Variants in DUXA observed in about 807,000 individuals in gnomAD.
DUXA encodes the protein double homeobox A.
A neutral mutation model predicts 27.5 loss-of-function variants in DUXA; 25 were observed. The ratio of observed to expected loss-of-function variants is 0.91; its 90% CI spans 0.66 to 1.27. The LOEUF is 1.27. DUXA is among the 50% of genes most tolerant of loss of function. The pLI, the probability that DUXA is intolerant of heterozygous loss-of-function variation, is 0.00. For missense variants in DUXA, 247 were observed against 242.9 expected, an observed-to-expected ratio of 1.02 and a Z score of -0.11; for synonymous variants, 90 against 80.5, an observed-to-expected ratio of 1.12 and a Z score of -0.63.
chr19:57,162,134 A>G (rs887265189), intron 1 of DUXA, among the ~76,000 whole-genome samples: 2 of 152,040 alleles, frequency 1.3e-5, no homozygotes, highest in African/African-American at 4.8e-5. Flanking sequence ...GCGATTCCCC[A>G]GCCTTGGCCT....
At chr19:57,165,662 A>G (rs756702019) in intron 1 of DUXA, among the ~76,000 whole-genome samples, 6 of 151,838 alleles carry the variant, frequency 4.0e-5, no homozygotes, top group Middle Eastern at 6.8e-3. Flanking sequence ...AAAATTAGCC[A>G]GGCGTGGTGG....
chr19:57,155,941 T>G (rs2086991119), intron 4 of DUXA, among the ~76,000 whole-genome samples: 1 of 152,180 alleles, frequency 6.6e-6, no homozygotes, highest in Non-Finnish European at 1.5e-5. Flanking sequence ...AGTGCTGGCA[T>G]TACAGGCGTG....
chr19:57,163,308 A>G (rs1343164004), intron 1 of DUXA, among the ~76,000 whole-genome samples: 4 of 151,878 alleles, frequency 2.6e-5, no homozygotes. Context: ...CACCATGCTT[A>G]GCTAAGTTTT....
chr19:57,161,958 T>A (rs2087026236), intron 1 of DUXA, among the ~76,000 whole-genome samples: 1 of 152,072 alleles, frequency 6.6e-6, no homozygotes, highest in African/African-American at 2.4e-5. Flanking sequence ...GGCGCAATCA[T>A]GGCACACTGC....
chr19:57,154,365 A>G lies in DUXA; in HGVS notation c.*47T>C, dbSNP rs1302657796. ...GACTCCCAGGAAGACCGTGAGACAG[A>G]TTTGGGGTCCAGTTGATATTATCAA... On this transcript the variant is annotated 3_prime_UTR_variant, in exon 6 of 6. Coordinates refer to ENST00000554048, the MANE Select transcript of DUXA (RefSeq NM_001012729.2). The G allele has an allele frequency of 6.5e-7, 1 of 1,549,088 alleles. No individual in the cohort carries two copies.
At chr19:57,154,690 A>T (rs1210048057) in intron 5 of DUXA, among the ~76,000 whole-genome samples, 1 of 151,696 alleles carries the variant, frequency 6.6e-6, no homozygotes, top group African/African-American at 2.4e-5. Context: ...CAGCCTCCCG[A>T]GTAGCTGGGA....
At chr19:57,161,885 T>C (rs1434370455) in intron 1 of DUXA, among the ~76,000 whole-genome samples, 1 of 152,004 alleles carries the variant, frequency 6.6e-6, no homozygotes, top group Non-Finnish European at 1.5e-5. Flanking sequence ...GCATATATTT[T>C]ATTTTTATTA....
chr19:57,154,498 GA>G lies in DUXA; in HGVS notation c.545-17del. On this transcript the variant is annotated splice_polypyrimidine_tract_variant and intron_variant, in intron 5 of 5. Coordinates refer to ENST00000554048, the MANE Select transcript of DUXA (RefSeq NM_001012729.2). ...TCTTCTGCACCTAAGGAGGAAAAAA[GA>G]TAGAGGAAAGAATGTAAGAGATCAG... 2.5e-6 allele frequency: 4 copies of G among 1,599,406 alleles called. No homozygotes were observed. Among genetic ancestry groups the G allele is most frequent in the Non-Finnish European group, 3.4e-6 (4 of 1,167,484 alleles).
chr19:57,154,492 A>C lies in DUXA; in HGVS notation c.545-10T>G, dbSNP rs765788517. The C allele has an allele frequency of 6.2e-7, 1 of 1,606,534 alleles. No individual in the cohort carries two copies. Among genetic ancestry groups the C allele is most frequent in the Non-Finnish European group, 8.5e-7 (1 of 1,173,430 alleles). On this transcript the variant is annotated splice_polypyrimidine_tract_variant and intron_variant, in intron 5 of 5. Transcript: ENST00000554048. ...TGTGTATCTTCTGCACCTAAGGAGG[A>C]AAAAAGATAGAGGAAAGAATGTAAG...
Position 57,159,218 on chromosome 19 carries a change from A to C in DUXA, c.241T>G (p.Leu81Val), listed in dbSNP as rs1208013466. Residue 81 changes from leucine to valine, a missense_variant, in exon 3 of 6, where the codon TTA (leucine) becomes GTA (valine). Transcript: ENST00000554048. ...GFQKRPEAET[L>V]ESSQSQGQDQ... ...TGCCCCTGGCTCTGGCTTGATTCTA[A>C]AGTCTCAGCTTCTGGTCTTTTCTGG... 6.2e-7 allele frequency: 1 copy of C among 1,614,150 alleles called. No individual in the cohort carries two copies. Among genetic ancestry groups the C allele is most frequent in the Non-Finnish European group, 8.5e-7 (1 of 1,180,018 alleles).
At chr19:57,166,019 G>C (rs2087052806) in intron 1 of DUXA, among the ~76,000 whole-genome samples, 1 of 152,014 alleles carries the variant, frequency 6.6e-6, no homozygotes, top group African/African-American at 2.4e-5. Context: ...GTTAGGGATG[G>C]GCTCACTGAG....
At chr19:57,160,857 A>G (rs935812838) in intron 1 of DUXA, 60 bp from the exon 2 acceptor site, 1 of 1,582,648 alleles carries the variant, frequency 6.3e-7, no homozygotes, top group Admixed American at 1.7e-5. Context: ...CTCAAACTTC[A>G]GGTTCAAGCT....
chr19:57,159,376 C>T (rs2087008858), intron 2 of DUXA, 98 bp from the exon 3 acceptor site: 1 of 1,082,834 alleles, frequency 9.2e-7, no homozygotes, highest in Non-Finnish European at 1.3e-6. Flanking sequence ...TGGGCCTAGG[C>T]CCAGGATTAT....
At chr19:57,154,768 T>C (rs1042647360) in intron 5 of DUXA, among the ~76,000 whole-genome samples, 23 of 152,024 alleles carry the variant, frequency 1.5e-4, no homozygotes, top group African/African-American at 5.1e-4. Context: ...TTTCACCGTG[T>C]TAGCCAGGAT....
chr19:57,167,464 G>C lies in DUXA; in HGVS notation c.-21C>G, dbSNP rs374231046. On this transcript the variant is annotated 5_prime_UTR_variant, in exon 1 of 6. Transcript: ENST00000554048. Reference sequence around the variant, plus strand: ...GCCATGCTGGAAGAGAGTCCTGAAGGCTGAGCCACTGTCTGGGAGACAAGT... The same window carrying C: ...GCCATGCTGGAAGAGAGTCCTGAAGCCTGAGCCACTGTCTGGGAGACAAGT... 4.3e-6 allele frequency: 7 copies of C among 1,612,378 alleles called. No individual in the cohort carries two copies. The highest frequency in any genetic ancestry group is 2.7e-5 in the African/African-American group (2 of 74,840).
chr19:57,164,065 C>T (rs1056072868), intron 1 of DUXA, among the ~76,000 whole-genome samples: 5 of 152,028 alleles, frequency 3.3e-5, no homozygotes, highest in Admixed American at 1.3e-4. Flanking sequence ...TTCTACAAGG[C>T]CAGTATTACT....
chr19:57,161,324 CA>C (rs71186230), intron 1 of DUXA, among the ~76,000 whole-genome samples: 4,734 of 47,248 alleles, frequency 0.1, 406 homozygotes, highest in East Asian at 0.45. Flanking sequence ...GACTCTATCT[CA>C]AAAAAAAAAA....
intron 1 of DUXA, among the ~76,000 whole-genome samples, chr19:57,164,534 C>CA (rs1372324230): frequency 2.9e-4 from 44 of 152,138 alleles, no homozygotes; most frequent in African/African-American, 1.0e-3. Context: ...GAGATTGCAC[C>CA]ATTGCACTCC....
In DUXA at chr19:57,154,226, A is replaced by G. The variant is rs2086979070; in HGVS notation, c.*186T>C. Reference sequence around the variant, plus strand: ...TGGTTTCAAACTCCTGAGCTCAAGCAATCTTCCTGCCTTGGCCTCCCAAAG... The same window carrying G: ...TGGTTTCAAACTCCTGAGCTCAAGCGATCTTCCTGCCTTGGCCTCCCAAAG... On this transcript the variant is annotated 3_prime_UTR_variant, in exon 6 of 6. Transcript: ENST00000554048. The G allele has an allele frequency of 1.9e-6, 1 of 539,090 alleles. No homozygotes were observed. Among genetic ancestry groups the G allele is most frequent in the Non-Finnish European group, 3.3e-6 (1 of 298,972 alleles). The allele number at this position is 539,090 out of a possible 1,614,324, so 33.4% of individuals were successfully genotyped here.
Sources: allele counts gnomAD v4.1 joint callset (sites outside exome capture counted in the v4.1 genomes callset), GRCh38; gene constraint gnomAD v4.1.1; transcripts MANE v1.5; gene names NCBI Gene and HGNC (gene_info 2026-07-23, HGNC 2026-07-21).